The following MARK4 variants were observed in gnomAD, a reference collection of about 807,000 sequenced individuals.
The protein encoded by MARK4 is microtubule affinity regulating kinase 4.
In MARK4, 19 loss-of-function variants were observed where a neutral mutation model predicts 81.5. The observed-to-expected ratio is 0.23, with a 90% CI of 0.16 to 0.34. The LOEUF (loss-of-function observed/expected upper bound fraction) is 0.34, where lower values mean the gene tolerates loss of function less well. Among genes scored for constraint, MARK4 ranks in the 10% least tolerant of loss-of-function variants. The pLI, the probability that MARK4 is intolerant of heterozygous loss-of-function variation, is 1.00. For synonymous variants in MARK4, 436 were observed against 439.0 expected, an observed-to-expected ratio of 0.99 and a Z score of 0.08; for missense variants, 772 against 1,058.8, an observed-to-expected ratio of 0.73 and a Z score of 3.76.
At position 45,271,422 on chromosome 19, in the gene MARK4, A is replaced by T; in HGVS notation, c.550-50A>T. The T allele has an allele frequency of 6.3e-7, 1 of 1,574,950 alleles. No homozygotes were observed. Among genetic ancestry groups the T allele is most frequent in the Non-Finnish European group, 8.7e-7 (1 of 1,151,326 alleles). Reference sequence around the variant, plus strand: ...CCTGTCTGCCTCCCACGTCCATGAAAGGCTTTGGCCTTGAGTCCCACTTTC... The same window carrying T: ...CCTGTCTGCCTCCCACGTCCATGAATGGCTTTGGCCTTGAGTCCCACTTTC... On this transcript the variant is annotated intron_variant, in intron 7 of 16. Transcript: ENST00000262891. The surrounding 1 kb of genome is among the most constrained non-coding windows in gnomAD (Gnocchi z 4.1).
chr19:45,302,880 C>A lies in MARK4; in HGVS notation c.*170C>A. 1 of 1,118,576 alleles carries A rather than the reference C, an allele frequency of 8.9e-7. No individual in the cohort carries two copies. The highest frequency in any genetic ancestry group is 1.2e-6 in the Non-Finnish European group (1 of 810,790). 69.3% of individuals were successfully genotyped at this position (1,118,576 alleles called of 1,614,324 possible). ...TGCTGTTCTCTGGGGCCGCTCAGCA[C>A]AGAAGAAGGATGAGGGGGCTCAGCG... On this transcript the variant is annotated 3_prime_UTR_variant, in exon 17 of 17. Coordinates refer to ENST00000262891, the MANE Select transcript of MARK4 (RefSeq NM_001199867.2). This position sits in a 1 kb window ranked among gnomAD's most constrained non-coding sequence, Gnocchi z 4.9.
At chr19:45,276,443 C>G (rs1342070859) in intron 8 of MARK4, among the ~76,000 whole-genome samples, 1 of 152,074 alleles carries the variant, frequency 6.6e-6, no homozygotes, top group African/African-American at 2.4e-5. Flanking sequence ...AAGAGAAAGC[C>G]AGCAGATAAA....
rs181510381 is a variant in MARK4 at position 45,265,668 on chromosome 19, G to A, written c.493-557G>A. On this transcript the variant is annotated intron_variant, in intron 6 of 16. Transcript: ENST00000262891. Reference sequence around the variant, plus strand: ...GAGATGCAGGTATGAAGGTGCCCAGGTGTGGGGTAAGAGGAGTTGTGGGTG... The same window carrying A: ...GAGATGCAGGTATGAAGGTGCCCAGATGTGGGGTAAGAGGAGTTGTGGGTG... 1.9e-3 allele frequency among the ~76,000 whole-genome samples: 292 copies of A among 150,810 alleles called. 2 individuals carry two copies. The Middle Eastern group carries it at 0.027, about 14-fold the overall frequency.
In MARK4 at chr19:45,304,664, A is replaced by G. The variant is rs1274584075; in HGVS notation, c.*1954A>G. The stretch of plus-strand genomic sequence containing the variant: ...CCCCAACACTGCCCTCATAGAGCTC[A>G]CAGTCCAATGGAGGAGGCAGATGTG... On this transcript the variant is annotated 3_prime_UTR_variant, in exon 17 of 17. Coordinates refer to ENST00000262891, the MANE Select transcript of MARK4 (RefSeq NM_001199867.2). The G allele has an allele frequency of 1.3e-5, 2 of 152,284 alleles. No homozygotes were observed. The highest frequency in any genetic ancestry group is 4.8e-5 in the African/African-American group (2 of 41,446). The allele number at this position is 152,284 out of a possible 1,614,324, so 9.4% of individuals were successfully genotyped here.
At chr19:45,262,270 T>C (rs1188468742) in intron 2 of MARK4, among the ~76,000 whole-genome samples, 2 of 140,336 alleles carry the variant, frequency 1.4e-5, no homozygotes, top group African/African-American at 5.4e-5. Context: ...AAGGTTGCAG[T>C]GAGCTATGAT....
chr19:45,279,277 G>A (rs1471336949), intron 10 of MARK4, among the ~76,000 whole-genome samples: 1 of 152,110 alleles, frequency 6.6e-6, no homozygotes, highest in African/African-American at 2.4e-5. Context: ...AGCACTTTGG[G>A]AGGCTGAGGC....
chr19:45,296,542 G>T (rs546687418), intron 14 of MARK4, among the ~76,000 whole-genome samples: 2 of 152,214 alleles, frequency 1.3e-5, no homozygotes, highest in Non-Finnish European at 2.9e-5. Context: ...CCCATTGGCC[G>T]GAGCATGGTC....
Position 45,251,467 on chromosome 19 carries a change from T to G in MARK4, c.-122T>G, listed in dbSNP as rs1599773327. 56 of 367,138 alleles carry G rather than the reference T, an allele frequency of 1.5e-4. No individual in the cohort carries two copies. The highest frequency in any genetic ancestry group is 9.4e-4 in the Middle Eastern group (1 of 1,060). The allele number at this position is 367,138 out of a possible 1,614,324, so 22.7% of individuals were successfully genotyped here. A position where few individuals can be genotyped will look rare whatever the true frequency, so the allele number is the denominator to read the frequency against. ...CTCTCCCGCCGCGCGGACCCGGGCGTTCTCGGCGCCCAGCTTTTGAGCTCG... is the reference window on the plus strand; with the variant it reads ...CTCTCCCGCCGCGCGGACCCGGGCGGTCTCGGCGCCCAGCTTTTGAGCTCG... On this transcript the variant is annotated 5_prime_UTR_variant, in exon 1 of 17. Transcript: ENST00000262891.
At chr19:45,294,515 C>A in intron 14 of MARK4, 63 bp downstream of exon 14, 2 of 1,402,384 alleles carry the variant, frequency 1.4e-6, no homozygotes, top group South Asian at 2.4e-5. Flanking sequence ...CAGGACCTCC[C>A]TTGATCTGAG....
At chr19:45,284,893 G>C (rs1469133307) in intron 12 of MARK4, among the ~76,000 whole-genome samples, 2 of 152,014 alleles carry the variant, frequency 1.3e-5, no homozygotes, top group African/African-American at 4.8e-5. Context: ...CAGTTTGAGA[G>C]CAGCCTGGCC....
intron 6 of MARK4, among the ~76,000 whole-genome samples, chr19:45,265,707 G>A (rs1482380576): frequency 1.3e-5 from 2 of 149,832 alleles, no homozygotes; most frequent in Non-Finnish European, 3.0e-5. Flanking sequence ...GGGTGCTGGG[G>A]CATGAGGGGT....
At chr19:45,263,265 C>A in intron 3 of MARK4, 54 bp from the exon 4 acceptor site, 1 of 1,613,370 alleles carries the variant, frequency 6.2e-7, no homozygotes. Flanking sequence ...GGGAAAGGAT[C>A]CCCCAAGCCA....
chr19:45,277,825 G>C, intron 8 of MARK4, 98 bp from the exon 9 acceptor site: 1 of 21,280 alleles, frequency 4.7e-5, no homozygotes, highest in Non-Finnish European at 6.3e-5. Flanking sequence ...GACAAAGGTT[G>C]TGTGTGTGTG....
intron 1 of MARK4, among the ~76,000 whole-genome samples, chr19:45,254,797 TCA>T (rs1269259492): frequency 6.6e-6 from 1 of 152,204 alleles, no homozygotes; most frequent in East Asian, 1.9e-4. Flanking sequence ...TCTCCAAGGC[TCA>T]GTTTCTCTGC....
chr19:45,267,490 G>T (rs1032698465), intron 7 of MARK4, among the ~76,000 whole-genome samples: 1 of 152,190 alleles, frequency 6.6e-6, no homozygotes, highest in African/African-American at 2.4e-5. Flanking sequence ...CCCAGGGTCC[G>T]CATTCCACAC....
Position 45,297,857 on chromosome 19 carries a change from T to A in MARK4, c.1780T>A (p.Ser594Thr). The change falls in exon 15 of 17, where the codon TCT (serine) becomes ACT (threonine). Residue 594 changes from serine to threonine, a missense_variant. Transcript: ENST00000262891. ...GGGTGTGCAGAATGGGCCCCCTGCC[T>A]CTCCCACACTGGCCCATGAGGCTGC... Reference protein sequence around the residue: ...GGGVQNGPPASPTLAHEAAPL... With the variant: ...GGGVQNGPPATPTLAHEAAPL... The A allele has an allele frequency of 6.5e-7, 1 of 1,549,036 alleles. No individual in the cohort carries two copies. The highest frequency in any genetic ancestry group is 8.7e-7 in the Non-Finnish European group (1 of 1,146,596).
At chr19:45,282,195 C>T (rs1372524215) in intron 12 of MARK4, among the ~76,000 whole-genome samples, 1 of 150,354 alleles carries the variant, frequency 6.7e-6, no homozygotes, top group African/African-American at 2.5e-5. Context: ...TGCACACCAG[C>T]CTGGGCAACA....
chr19:45,277,822 GTTGTGT>G (rs1403358246), intron 8 of MARK4, 95 bp from the exon 9 acceptor site: 72 of 1,140,804 alleles, frequency 6.3e-5, no homozygotes, highest in Non-Finnish European at 7.9e-5. Context: ...TGGGACAAAG[GTTGTGT>G]GTGTGTGTGT....
chr19:45,281,888 G>C (rs1970679508), intron 12 of MARK4, among the ~76,000 whole-genome samples: 1 of 152,120 alleles, frequency 6.6e-6, no homozygotes, highest in Non-Finnish European at 1.5e-5. Context: ...CCCACATTCT[G>C]CAACTGACAG....
Sources: gnomAD v4.1 joint callset for allele counts (sites outside exome capture counted in the v4.1 genomes callset) on GRCh38, gnomAD v4.1.1 for gene constraint, Gnocchi (gnomAD v3.1) non-coding constraint, MANE v1.5 for transcripts, NCBI Gene and HGNC (gene_info 2026-07-23, HGNC 2026-07-21) for gene names.